ZNF718: variants seen among roughly 807,000 people sequenced by gnomAD.
The protein encoded by ZNF718 is zinc finger protein 718.
In ZNF718, 3 loss-of-function variants were observed where a neutral mutation model predicts 2.6. That is an observed-to-expected ratio of 1.16 (90% CI 0.53 to 3.01). The LOEUF is 3.01. Ranked by LOEUF, ZNF718 falls within the 30% of genes most tolerant of loss-of-function variation. The pLI, the probability that ZNF718 is intolerant of heterozygous loss-of-function variation, is 0.03. For synonymous variants in ZNF718, 135 were observed against 77.9 expected, an observed-to-expected ratio of 1.73 and a Z score of -3.86; for missense variants, 468 against 230.0, an observed-to-expected ratio of 2.03 and a Z score of -6.69.
At chr4:137,075 GCACCTCTCCTTT>G (rs1443013923) in intron 3 of ZNF718, among the ~76,000 whole-genome samples, 2 of 152,164 alleles carry the variant, frequency 1.3e-5, no homozygotes, top group South Asian at 4.1e-4. Flanking sequence ...AAAGCATGTG[GCACCTCTCCTTT>G]CACTGTCTCT....
At position 162,006 on chromosome 4, in the gene ZNF718, CAT is replaced by C; in HGVS notation, c.1323_1324del (p.His441GlnfsTer8). On this transcript the variant is annotated frameshift_variant, in exon 4 of 4. Coordinates refer to ENST00000510175, the MANE Select transcript of ZNF718 (RefSeq NM_001039127.6). LOFTEE classifies it low-confidence loss of function (END_TRUNC). ...AFKQSSHLNKHKKIHTVDKPY... is the reference protein window; with the variant it reads ...AFKQSSHLNKXKKIHTVDKPY... ...TAAACAGTCCTCACACTTGAATAAA[CAT>C]AAGAAAATTCACACTGTAGATAAAC... 2.6e-6 allele frequency: 2 copies of C among 779,060 alleles called. No homozygotes were observed. Among genetic ancestry groups the C allele is most frequent in the Non-Finnish European group, 4.8e-6 (2 of 417,004 alleles). The allele number at this position is 779,060 out of a possible 1,614,324, so 48.3% of individuals were successfully genotyped here.
chr4:149,096 A>G (rs1178281061), intron 3 of ZNF718, among the ~76,000 whole-genome samples: 1 of 151,956 alleles, frequency 6.6e-6, no homozygotes, highest in African/African-American at 2.4e-5. Context: ...TGGGTAGAGA[A>G]CCTCCTATTC....
At chr4:180,165 T>C (rs992176754) in intron 3 of ZNF718, among the ~76,000 whole-genome samples, 1 of 152,220 alleles carries the variant, frequency 6.6e-6, no homozygotes, top group Non-Finnish European at 1.5e-5. Context: ...TATTGGAGAC[T>C]GCAAATAACT....
In ZNF718 at chr4:129,484, C is replaced by G. The variant is rs1715302591; in HGVS notation, c.4-1304C>G. Among the ~76,000 whole-genome samples, 2 of 104,120 alleles carry G rather than the reference C, an allele frequency of 1.9e-5. 1 individual carries two copies. The highest frequency in any genetic ancestry group is 6.7e-5 in the African/African-American group (2 of 30,040). 68.3% of individuals were successfully genotyped at this position (104,120 alleles called of 152,430 possible). On this transcript the variant is annotated intron_variant, in intron 1 of 3. Coordinates refer to ENST00000510175, the MANE Select transcript of ZNF718 (RefSeq NM_001039127.6). Reference sequence around the variant, plus strand: ...GGAGATCAGAGTTTGGGGTGGCTACCCCTACTGCCTCTCCAGAGCTGGTGC... The same window carrying G: ...GGAGATCAGAGTTTGGGGTGGCTACGCCTACTGCCTCTCCAGAGCTGGTGC...
rs1371162513 is a variant in ZNF718 at position 161,647 on chromosome 4, C to T, written c.962C>T (p.Thr321Ile). 1 of 779,434 alleles carries T rather than the reference C, an allele frequency of 1.3e-6. No homozygotes were observed. Among genetic ancestry groups the T allele is most frequent in the Non-Finnish European group, 2.4e-6 (1 of 417,370 alleles). 48.3% of individuals were successfully genotyped at this position (779,434 alleles called of 1,614,324 possible). Residue 321 changes from threonine (T) to isoleucine (I), a missense_variant, in exon 4 of 4, where the codon ACC becomes ATC. Physicochemically the swap from Thr to Ile is moderately conservative, Grantham distance 89. Coordinates refer to ENST00000510175, the MANE Select transcript of ZNF718 (RefSeq NM_001039127.6). ...TGCGAAGAATGTGGCAATGTCTTTA[C>T]CACATCCTCAGACTTTGCTAAACAT... ...FSCEECGNVF[T>I]TSSDFAKHKR...
At chr4:179,442 A>C (rs1717422221) in intron 3 of ZNF718, among the ~76,000 whole-genome samples, 1 of 152,204 alleles carries the variant, frequency 6.6e-6, no homozygotes, top group Admixed American at 6.5e-5. Context: ...GAATTTTAAT[A>C]AGGCTGACAT....
chr4:140,738 A>G (rs1715776349), intron 3 of ZNF718, among the ~76,000 whole-genome samples: 1 of 152,182 alleles, frequency 6.6e-6, no homozygotes, highest in Non-Finnish European at 1.5e-5. Flanking sequence ...ATACATGTCT[A>G]GATGTCTTTA....
chr4:126,684 T>TAAC (rs2108777764), intron 1 of ZNF718, among the ~76,000 whole-genome samples: 1 of 9,392 alleles, frequency 1.1e-4, no homozygotes, highest in South Asian at 2.9e-3. Context: ...ACTTAAGAAC[T>TAAC]AATGGTGACT....
At chr4:138,313 A>G (rs376951910) in intron 3 of ZNF718, among the ~76,000 whole-genome samples, 5 of 152,168 alleles carry the variant, frequency 3.3e-5, no homozygotes, top group Admixed American at 6.5e-5. Flanking sequence ...TCTGGTAACA[A>G]TCCTTCTGCT....
intron 3 of ZNF718, among the ~76,000 whole-genome samples, chr4:160,702 A>G (rs1716784334): frequency 6.6e-6 from 1 of 152,096 alleles, no homozygotes; most frequent in Non-Finnish European, 1.5e-5. Flanking sequence ...GGCATGCACC[A>G]TCATTCCCAG....
Position 161,266 on chromosome 4 carries a change from C to T in ZNF718, c.581C>T (p.Thr194Ile), listed in dbSNP as rs1553815029. 2.6e-6 allele frequency: 2 copies of T among 780,294 alleles called. No individual in the cohort carries two copies. Among genetic ancestry groups the T allele is most frequent in the Non-Finnish European group, 4.8e-6 (2 of 418,870 alleles). 48.3% of individuals were successfully genotyped at this position (780,294 alleles called of 1,614,324 possible). ...SRLTQHKRIH[T>I]GENPYTCEEC... ...CTAACTCAACACAAAAGAATTCATA[C>T]TGGAGAGAACCCCTACACATGTGAA... is the stretch of plus-strand genomic sequence containing the variant. The change falls in exon 4 of 4, where the codon ACT (threonine) becomes ATT (isoleucine). Residue 194 changes from threonine (T) to isoleucine (I), a missense_variant. Transcript: ENST00000510175.
At chr4:133,195 A>AAAAAAAAAAAAAATAT (rs1258303094) in intron 3 of ZNF718, among the ~76,000 whole-genome samples, 1 of 20,774 alleles carries the variant, frequency 4.8e-5, no homozygotes, top group African/African-American at 1.7e-4. Flanking sequence ...AAAAAAAAAA[A>AAAAAAAAAAAAAATAT]ATATATATAT....
At chr4:133,675 C>T (rs933384618) in intron 3 of ZNF718, among the ~76,000 whole-genome samples, 2 of 152,122 alleles carry the variant, frequency 1.3e-5, no homozygotes, top group African/African-American at 4.8e-5. Flanking sequence ...GAATTTAATA[C>T]AAGAGTTATG....
At chr4:142,423 A>C (rs1400380301) in intron 3 of ZNF718, among the ~76,000 whole-genome samples, 1 of 152,236 alleles carries the variant, frequency 6.6e-6, no homozygotes, top group East Asian at 1.9e-4. Context: ...AGTGTAAGTA[A>C]GAAACTTTAA....
downstream of ZNF718, among the ~76,000 whole-genome samples, chr4:168,385 T>A (rs904587995): frequency 4.6e-5 from 7 of 152,318 alleles, no homozygotes; most frequent in South Asian, 2.1e-4. Flanking sequence ...TAGGGAGGAT[T>A]CCCTCTTTTT....
intron 3 of ZNF718, among the ~76,000 whole-genome samples, chr4:173,112 C>T (rs1272713500): frequency 6.6e-6 from 1 of 151,774 alleles, no homozygotes; most frequent in Non-Finnish European, 1.5e-5. Context: ...GTATTTATAC[C>T]ATATAAACTC....
intron 3 of ZNF718, among the ~76,000 whole-genome samples, chr4:152,723 G>A (rs1472122941): frequency 6.6e-6 from 1 of 151,992 alleles, no homozygotes; most frequent in Non-Finnish European, 1.5e-5. Flanking sequence ...CAAAGTGCTG[G>A]GATTACAGGC....
chr4:162,038 C>G lies in ZNF718; in HGVS notation c.1353C>G (p.Tyr451Ter). Residue 451 changes from tyrosine to a stop codon, truncating the protein, a stop_gained, in exon 4 of 4, where the codon TAC becomes TAG. Transcript: ENST00000510175. LOFTEE classifies it high-confidence loss of function. The part of the protein sequence containing the change: ...HKKIHTVDKP[Y>*]KCKECGKAFK... ...AAATTCACACTGTAGATAAACCCTACAAATGTAAAGAATGCGGGAAAGCTT... is the reference window on the plus strand; with the variant it reads ...AAATTCACACTGTAGATAAACCCTAGAAATGTAAAGAATGCGGGAAAGCTT... 1.3e-6 allele frequency: 1 copy of G among 777,734 alleles called. No homozygotes were observed. Among genetic ancestry groups the G allele is most frequent in the Non-Finnish European group, 2.4e-6 (1 of 416,256 alleles). The allele number at this position is 777,734 out of a possible 1,614,324, so 48.2% of individuals were successfully genotyped here.
At chr4:134,239 C>T (rs1347330066) in intron 3 of ZNF718, among the ~76,000 whole-genome samples, 5 of 152,070 alleles carry the variant, frequency 3.3e-5, no homozygotes, top group Admixed American at 1.3e-4. Context: ...GTCTGCCTCC[C>T]GGGTTCACAC....
Sources: gnomAD v4.1 joint callset for allele counts (sites outside exome capture counted in the v4.1 genomes callset) on GRCh38, gnomAD v4.1.1 for gene constraint, MANE v1.5 for transcripts, NCBI Gene and HGNC (gene_info 2026-07-23, HGNC 2026-07-21) for gene names.